Variants in ZC3H15 observed in about 807,000 individuals in gnomAD.
ZC3H15 encodes zinc finger CCCH-type containing 15.
ZC3H15 carries 15 observed loss-of-function variants against 51.2 expected under a neutral mutation model. The observed-to-expected ratio is 0.29, with a 90% CI of 0.20 to 0.45. ZC3H15 has a LOEUF of 0.45. ZC3H15 is among the 20% of genes least tolerant of loss of function. The probability of loss-of-function intolerance (pLI) is 1.00; values close to 1 mark genes in which losing one functional copy is unlikely to be tolerated. For missense variants in ZC3H15, 381 were observed against 494.7 expected (o/e 0.77, Z 2.18); for synonymous variants, 144 against 162.8 (o/e 0.88, Z 0.88).
rs956937519 is a variant in ZC3H15, at chr2:186,509,218, G to A, written c.*485G>A. Reference sequence around the variant, plus strand: ...GCAGATTCAGTATTGTGTATCTTTGGACAATTAGATGGACATTTAAAATGG... The same window carrying A: ...GCAGATTCAGTATTGTGTATCTTTGAACAATTAGATGGACATTTAAAATGG... On this transcript the variant is annotated 3_prime_UTR_variant, in exon 10 of 10. Transcript: ENST00000337859. The A allele has an allele frequency of 4.1e-6, 1 of 245,160 alleles. No homozygotes were observed. Among genetic ancestry groups the A allele is most frequent in the South Asian group, 4.6e-5 (1 of 21,620 alleles). 15.2% of individuals were successfully genotyped at this position (245,160 alleles called of 1,614,324 possible). A position where few individuals can be genotyped will look rare whatever the true frequency, so the allele number is the denominator to read the frequency against.
chr2:186,489,282 G>A (rs1685156914), intron 1 of ZC3H15, among the ~76,000 whole-genome samples: 1 of 152,184 alleles, frequency 6.6e-6, no homozygotes, highest in Non-Finnish European at 1.5e-5. Flanking sequence ...TTAAGTTACA[G>A]CATTTGTGAA....
chr2:186,500,354 T>A, intron 3 of ZC3H15, 61 bp downstream of exon 3: 1 of 1,312,396 alleles, frequency 7.6e-7, no homozygotes, highest in Non-Finnish European at 1.1e-6. Flanking sequence ...TAAAAACTAT[T>A]TATTTTGATG....
intron 2 of ZC3H15, chr2:186,499,676 G>A (rs1463714953): frequency 4.6e-6 from 2 of 435,638 alleles, no homozygotes; most frequent in Non-Finnish European, 9.1e-6. Flanking sequence ...TGTAAATCGT[G>A]TGCCTGGAAC....
At chr2:186,498,579 A>G (rs1185648074) in intron 2 of ZC3H15, among the ~76,000 whole-genome samples, 2 of 152,226 alleles carry the variant, frequency 1.3e-5, no homozygotes, top group African/African-American at 4.8e-5. Context: ...GTGTTTAAAC[A>G]CATCCACCAT....
intron 1 of ZC3H15, chr2:186,486,881 C>T (rs1042686036): frequency 9.4e-5 from 16 of 169,878 alleles, no homozygotes; most frequent in African/African-American, 3.8e-4. Context: ...TTTCTTTACC[C>T]GTCACCCAGG....
intron 2 of ZC3H15, among the ~76,000 whole-genome samples, chr2:186,496,569 A>G (rs896232672): frequency 4.6e-5 from 7 of 152,214 alleles, no homozygotes; most frequent in African/African-American, 1.4e-4. Context: ...AAATACCACT[A>G]TTATCCTACA....
rs146811762 is a variant in ZC3H15 at position 186,495,115 on chromosome 2, C to T, written c.76-118C>T. On this transcript the variant is annotated intron_variant, in intron 1 of 9. Transcript: ENST00000337859. ...CCTTGACTTGATGTTTAGTGTTTTG[C>T]ATGTTTTTATATTAGTAAAGAATAA... is the stretch of plus-strand genomic sequence containing the variant. The T allele has an allele frequency of 2.0e-3, 1,194 of 584,760 alleles. 5 individuals are homozygous for T. Among genetic ancestry groups the T allele is most frequent in the South Asian group, 7.3e-3 (250 of 34,232 alleles). 36.2% of individuals were successfully genotyped at this position (584,760 alleles called of 1,614,324 possible).
chr2:186,500,453 C>A (rs1685362196), intron 3 of ZC3H15, among the ~76,000 whole-genome samples, 160 bp downstream of exon 3: 1 of 152,120 alleles, frequency 6.6e-6, no homozygotes, highest in Admixed American at 6.5e-5. Context: ...GCTTATGATT[C>A]CTCTGTATAT....
At chr2:186,499,551 G>C in intron 2 of ZC3H15, 1 of 455,714 alleles carries the variant, frequency 2.2e-6, no homozygotes, top group South Asian at 1.6e-5. Context: ...CTGTCATCCT[G>C]CTAGATTCTG....
chr2:186,487,824 CAATTT>C (rs1685126166), intron 1 of ZC3H15, among the ~76,000 whole-genome samples: 1 of 152,156 alleles, frequency 6.6e-6, no homozygotes. Flanking sequence ...ATAATTTAGA[CAATTT>C]AAATTATACT....
In ZC3H15 at chr2:186,492,312, C is replaced by T. The variant is rs1400042667; in HGVS notation, c.76-2921C>T. Among the ~76,000 whole-genome samples, 3 of 152,192 alleles carry T rather than the reference C, an allele frequency of 2.0e-5. No homozygotes were observed. The East Asian group carries it at 5.8e-4, about 29-fold the overall frequency. On this transcript the variant is annotated intron_variant, in intron 1 of 9. Coordinates refer to ENST00000337859, the MANE Select transcript of ZC3H15 (RefSeq NM_018471.3). ...GCACTGTGTTCATCTGTATGTATCA[C>T]ATTATGTTGACCATCTTTCTTCAAA...
chr2:186,490,825 T>C (rs1685185786), intron 1 of ZC3H15, among the ~76,000 whole-genome samples: 1 of 152,230 alleles, frequency 6.6e-6, no homozygotes, highest in Non-Finnish European at 1.5e-5. Flanking sequence ...AGTCATCCTT[T>C]TCTTTCGAGA....
chr2:186,494,407 G>A (rs981172211), intron 1 of ZC3H15, among the ~76,000 whole-genome samples: 5 of 152,110 alleles, frequency 3.3e-5, no homozygotes, highest in African/African-American at 7.2e-5. Flanking sequence ...CTCTTCTTAT[G>A]TAGTAGTCCC....
intron 1 of ZC3H15, among the ~76,000 whole-genome samples, chr2:186,494,945 A>T (rs1473868740): frequency 6.6e-6 from 1 of 152,130 alleles, no homozygotes; most frequent in East Asian, 1.9e-4. Flanking sequence ...GTACACATGT[A>T]CCCTAGAACT....
At chr2:186,502,468 A>G (rs1339371277) in intron 4 of ZC3H15, 28 bp from the exon 5 acceptor site, 2 of 1,557,172 alleles carry the variant, frequency 1.3e-6, no homozygotes, top group Non-Finnish European at 1.8e-6. Context: ...ATAAGATTAC[A>G]GTATTTAATC....
chr2:186,495,068 G>C, intron 1 of ZC3H15, 165 bp from the exon 2 acceptor site: 1 of 391,466 alleles, frequency 2.6e-6, no homozygotes. Flanking sequence ...GAATCTGGGT[G>C]ATGATTTAAG....
At chr2:186,501,200 C>T in intron 3 of ZC3H15, 73 bp from the exon 4 acceptor site, 1 of 1,429,674 alleles carries the variant, frequency 7.0e-7, no homozygotes. Flanking sequence ...CAAAATTCAT[C>T]ATATTTCAGG....
chr2:186,495,409 GTAT>G (rs1685266557), intron 2 of ZC3H15, 75 bp downstream of exon 2: 3 of 912,234 alleles, frequency 3.3e-6, no homozygotes, highest in Non-Finnish European at 4.5e-6. Context: ...AAAATGTCTG[GTAT>G]TATTATATAA....
In ZC3H15 at chr2:186,501,481, T is replaced by G. The variant is rs577148599; in HGVS notation, c.442+56T>G. The G allele has an allele frequency of 6.4e-6, 9 of 1,402,788 alleles. No individual in the cohort carries two copies. The South Asian group carries it at 1.1e-4, about 17-fold the overall frequency. 86.9% of individuals were successfully genotyped at this position (1,402,788 alleles called of 1,614,324 possible). Reference sequence around the variant, plus strand: ...TAAATGTTGAATACTTTCGGTTTGCTACTAAGATATTTATTAAATTGAAGA... The same window carrying G: ...TAAATGTTGAATACTTTCGGTTTGCGACTAAGATATTTATTAAATTGAAGA... On this transcript the variant is annotated intron_variant, in intron 4 of 9. Transcript: ENST00000337859.
Sources: allele counts gnomAD v4.1 joint callset (sites outside exome capture counted in the v4.1 genomes callset), GRCh38; gene constraint gnomAD v4.1.1; transcripts MANE v1.5; gene names NCBI Gene and HGNC (gene_info 2026-07-23, HGNC 2026-07-21).